SMC1B: variants seen among roughly 807,000 people sequenced by gnomAD.
SMC1B encodes the protein structural maintenance of chromosomes protein 1B.
A neutral mutation model predicts 157.9 loss-of-function variants in SMC1B; 60 were observed. The ratio of observed to expected loss-of-function variants is 0.38; its 90% CI spans 0.31 to 0.47. The LOEUF (loss-of-function observed/expected upper bound fraction) is 0.47, where lower values mean the gene tolerates loss of function less well. Ranked by LOEUF, SMC1B falls within the 20% of genes least tolerant of loss-of-function variation. The probability of loss-of-function intolerance (pLI) is 0.99; values close to 1 mark genes in which losing one functional copy is unlikely to be tolerated. For synonymous variants in SMC1B, 445 were observed against 483.0 expected (o/e 0.92, Z 1.03); for missense variants, 1,165 against 1,426.2 (o/e 0.82, Z 2.95).
At chr22:45,389,942 T>G (rs750904876) in intron 9 of SMC1B, 45 bp from the exon 10 acceptor site, 19 of 1,479,324 alleles carry the variant, frequency 1.3e-5, no homozygotes, top group Non-Finnish European at 1.7e-5. Flanking sequence ...TATATTAGAG[T>G]GAAATATATA....
chr22:45,405,400 A>T (rs1250149075), intron 4 of SMC1B, among the ~76,000 whole-genome samples: 1 of 152,086 alleles, frequency 6.6e-6, no homozygotes, highest in Non-Finnish European at 1.5e-5. Flanking sequence ...TACAAAAAAA[A>T]AATTAGCCAG....
chr22:45,362,026 T>C, intron 16 of SMC1B, 42 bp from the exon 17 acceptor site: 1 of 1,582,006 alleles, frequency 6.3e-7, no homozygotes, highest in South Asian at 1.2e-5. Context: ...CTATCTTTTA[T>C]ATTAATAAGG....
chr22:45,364,785 AT>A (rs1259741599), intron 15 of SMC1B, among the ~76,000 whole-genome samples: 1 of 146,200 alleles, frequency 6.8e-6, no homozygotes, highest in African/African-American at 2.5e-5. Context: ...GTTCTTTCTC[AT>A]CTCTTCGACT....
intron 13 of SMC1B, 135 bp downstream of exon 13, chr22:45,372,020 G>T: frequency 1.4e-6 from 1 of 695,096 alleles, no homozygotes; most frequent in Non-Finnish European, 2.2e-6. Flanking sequence ...TCCAGCCTGG[G>T]TGACAGAGTG....
intron 12 of SMC1B, among the ~76,000 whole-genome samples, chr22:45,378,955 T>A (rs928235569): frequency 1.3e-5 from 2 of 152,156 alleles, no homozygotes; most frequent in Admixed American, 6.6e-5. Context: ...CAGGTAAGCA[T>A]CCCATTATTT....
At chr22:45,383,788 T>C (rs1047972309) in intron 11 of SMC1B, among the ~76,000 whole-genome samples, 175 bp from the exon 12 acceptor site, 1 of 152,114 alleles carries the variant, frequency 6.6e-6, no homozygotes, top group Admixed American at 6.5e-5. Flanking sequence ...AAACCACAAA[T>C]ATAAAACCCA....
intron 22 of SMC1B, among the ~76,000 whole-genome samples, chr22:45,351,518 G>A (rs1032107492): frequency 2.2e-4 from 33 of 152,204 alleles, no homozygotes; most frequent in Non-Finnish European, 2.4e-4. Context: ...TGGAAATAGA[G>A]AAGCAGCAGT....
intron 22 of SMC1B, among the ~76,000 whole-genome samples, chr22:45,352,192 C>T (rs999143241): frequency 6.6e-6 from 1 of 150,850 alleles, no homozygotes; most frequent in African/African-American, 2.4e-5. Flanking sequence ...TTGAGCCTAG[C>T]CTAAGCAACA....
intron 19 of SMC1B, 34 bp from the exon 20 acceptor site, chr22:45,355,149 G>T: frequency 6.2e-7 from 1 of 1,612,000 alleles, no homozygotes; most frequent in South Asian, 1.1e-5. Context: ...TGACTGGCAT[G>T]GCATGTCTTT....
intron 9 of SMC1B, 127 bp from the exon 10 acceptor site, chr22:45,390,024 TAATA>T (rs1426679713): frequency 1.7e-5 from 12 of 726,306 alleles, no homozygotes; most frequent in Non-Finnish European, 2.4e-5. Context: ...ACATCATAAT[TAATA>T]GAGTTTTATT....
intron 13 of SMC1B, 22 bp downstream of exon 13, chr22:45,372,133 A>G: frequency 6.4e-7 from 1 of 1,569,462 alleles, no homozygotes; most frequent in South Asian, 1.2e-5. Flanking sequence ...TGCCTATCAT[A>G]TTTTATGTAA....
chr22:45,390,717 A>G (rs1448332203), intron 9 of SMC1B, among the ~76,000 whole-genome samples: 2 of 152,092 alleles, frequency 1.3e-5, no homozygotes, highest in East Asian at 3.9e-4. Flanking sequence ...AAAAAAAAAA[A>G]AAAGTCTAGG....
At chr22:45,365,945 G>C (rs2086771552) in intron 15 of SMC1B, among the ~76,000 whole-genome samples, 1 of 152,124 alleles carries the variant, frequency 6.6e-6, no homozygotes, top group Non-Finnish European at 1.5e-5. Flanking sequence ...ATATTTTGAA[G>C]GTATCAATTC....
chr22:45,373,314 C>A (rs1161089081), intron 12 of SMC1B, among the ~76,000 whole-genome samples: 1 of 152,166 alleles, frequency 6.6e-6, no homozygotes, highest in East Asian at 1.9e-4. Context: ...TCTCAAGATA[C>A]CTTCGGTTTA....
chr22:45,360,618 GC>G (rs2146775766), intron 17 of SMC1B, among the ~76,000 whole-genome samples: 1 of 151,246 alleles, frequency 6.6e-6, no homozygotes, highest in African/African-American at 2.4e-5. Context: ...TTTGAGACCA[GC>G]ATAATGAGAC....
chr22:45,349,824 T>A, intron 22 of SMC1B, 27 bp from the exon 23 acceptor site: 1 of 1,549,222 alleles, frequency 6.5e-7, no homozygotes, highest in Non-Finnish European at 8.8e-7. Context: ...ATCAAGTAAG[T>A]TACAATTTTC....
intron 6 of SMC1B, among the ~76,000 whole-genome samples, chr22:45,397,852 T>G (rs1335410504): frequency 6.6e-6 from 1 of 152,160 alleles, no homozygotes; most frequent in Non-Finnish European, 1.5e-5. Context: ...GAGAGCTGTT[T>G]CATAGCTCAA....
At chr22:45,376,127 A>G (rs2086881283) in intron 12 of SMC1B, among the ~76,000 whole-genome samples, 1 of 152,206 alleles carries the variant, frequency 6.6e-6, no homozygotes, top group Non-Finnish European at 1.5e-5. Flanking sequence ...TGTACAGTTC[A>G]GTAGTGTTTA....
At chr22:45,412,132 G>A (rs1232605014) in intron 1 of SMC1B, among the ~76,000 whole-genome samples, 1 of 152,008 alleles carries the variant, frequency 6.6e-6, no homozygotes, top group African/African-American at 2.4e-5. Flanking sequence ...CGCCCGCCTC[G>A]GCCTCCCAAA....
Sources: gnomAD v4.1 joint callset for allele counts (sites outside exome capture counted in the v4.1 genomes callset) on GRCh38, gnomAD v4.1.1 for gene constraint, MANE v1.5 for transcripts, NCBI Gene and HGNC (gene_info 2026-07-23, HGNC 2026-07-21) for gene names.